The following GPC5 variants were observed in gnomAD, a reference collection of about 807,000 sequenced individuals.
The protein encoded by GPC5 is glypican-5.
GPC5 carries 47 observed loss-of-function variants against 53.9 expected under a neutral mutation model. The observed-to-expected ratio is 0.87, with a 90% CI of 0.69 to 1.11. GPC5 has a LOEUF of 1.11. Ranked by LOEUF, GPC5 falls within the 50% of genes most tolerant of loss-of-function variation. The probability of loss-of-function intolerance (pLI) is 0.00; values close to 1 mark genes in which losing one functional copy is unlikely to be tolerated. For synonymous variants in GPC5, 286 were observed against 263.3 expected, an observed-to-expected ratio of 1.09 and a Z score of -0.84; for missense variants, 748 against 713.1, an observed-to-expected ratio of 1.05 and a Z score of -0.56.
intron 7 of GPC5, among the ~76,000 whole-genome samples, chr13:92,340,979 G>A (rs951555427): frequency 3.3e-5 from 5 of 152,156 alleles, no homozygotes; most frequent in African/African-American, 1.2e-4. Context: ...TCTTTAACAC[G>A]TGGTTTTCAA....
At chr13:91,587,580 C>T (rs928762265) in intron 2 of GPC5, among the ~76,000 whole-genome samples, 5 of 152,126 alleles carry the variant, frequency 3.3e-5, no homozygotes, top group South Asian at 2.1e-4. Flanking sequence ...AGAGGGACTT[C>T]TTCCTTATCT....
At chr13:92,774,114 C>A (rs577221282) in intron 7 of GPC5, among the ~76,000 whole-genome samples, 2 of 152,154 alleles carry the variant, frequency 1.3e-5, no homozygotes, top group African/African-American at 4.8e-5. Flanking sequence ...GATTTGGGTG[C>A]GGACAAAGAG....
chr13:92,767,670 A>G (rs1875456420), intron 7 of GPC5, among the ~76,000 whole-genome samples: 2 of 152,192 alleles, frequency 1.3e-5, no homozygotes, highest in South Asian at 4.1e-4. Context: ...AGTTACACTG[A>G]CATACAGACA....
intron 6 of GPC5, among the ~76,000 whole-genome samples, chr13:92,125,873 T>C (rs896559606): frequency 6.6e-6 from 1 of 151,014 alleles, no homozygotes; most frequent in African/African-American, 2.4e-5. Context: ...AGTTGGACTT[T>C]GGATAGTAAC....
chr13:91,431,034 C>G (rs1002166056), intron 1 of GPC5, among the ~76,000 whole-genome samples: 1 of 152,098 alleles, frequency 6.6e-6, no homozygotes, highest in Non-Finnish European at 1.5e-5. Context: ...GCTACCATGC[C>G]TGACTAATTT....
At chr13:91,458,395 G>A (rs1406662769) in intron 2 of GPC5, among the ~76,000 whole-genome samples, 1 of 152,000 alleles carries the variant, frequency 6.6e-6, no homozygotes, top group African/African-American at 2.4e-5. Context: ...TATTGAATGG[G>A]GAAAACTTGA....
chr13:92,285,409 C>A (rs2042946933), intron 7 of GPC5, among the ~76,000 whole-genome samples: 2 of 152,120 alleles, frequency 1.3e-5, no homozygotes, highest in South Asian at 4.2e-4. Context: ...TCATATGGAA[C>A]CAAAAAAGAG....
At chr13:92,517,048 G>T (rs751544680) in intron 7 of GPC5, among the ~76,000 whole-genome samples, 44 of 152,118 alleles carry the variant, frequency 2.9e-4, no homozygotes, top group Non-Finnish European at 1.5e-4. Context: ...GCCTGTCTCG[G>T]AGGGTCCCAC....
In GPC5 at chr13:91,916,443, A is replaced by G. The variant is rs147575487; in HGVS notation, c.1401+8386A>G. Among the ~76,000 whole-genome samples the G allele has an allele frequency of 1.1e-4, 17 of 152,328 alleles. No individual in the cohort carries two copies. The East Asian group carries it at 3.3e-3, about 29-fold the overall frequency. ...AAAATGAGATATGTCCATATAATGC[A>G]ATATTATTTGCCAATAAAGAAGATC... is the stretch of plus-strand genomic sequence containing the variant. On this transcript the variant is annotated intron_variant, in intron 6 of 7. Transcript: ENST00000377067.
At chr13:92,362,271 G>A (rs1017283375) in intron 7 of GPC5, among the ~76,000 whole-genome samples, 6 of 151,634 alleles carry the variant, frequency 4.0e-5, no homozygotes, top group African/African-American at 7.3e-5. Context: ...TTCAAACTGC[G>A]TCCAAGTCCA....
intron 7 of GPC5, among the ~76,000 whole-genome samples, chr13:92,483,931 T>C (rs1566610668): frequency 6.6e-6 from 1 of 152,130 alleles, no homozygotes; most frequent in Non-Finnish European, 1.5e-5. Context: ...AGGCCAGGAA[T>C]TTGAGACATA....
At chr13:91,654,201 A>C (rs1464136624) in intron 2 of GPC5, among the ~76,000 whole-genome samples, 2 of 152,182 alleles carry the variant, frequency 1.3e-5, no homozygotes, top group African/African-American at 2.4e-5. Context: ...AGTGAGAATT[A>C]ATATAAACTT....
chr13:92,128,380 G>C (rs2041716938), intron 6 of GPC5, among the ~76,000 whole-genome samples: 1 of 152,124 alleles, frequency 6.6e-6, no homozygotes, highest in African/African-American at 2.4e-5. Flanking sequence ...TTACACATTT[G>C]AGTTACCTTA....
intron 2 of GPC5, among the ~76,000 whole-genome samples, chr13:91,636,255 T>G (rs1200065132): frequency 1.3e-5 from 2 of 152,172 alleles, no homozygotes; most frequent in African/African-American, 4.8e-5. Flanking sequence ...ACAGATATGT[T>G]GTTTTATCCT....
chr13:92,315,260 T>TA (rs1358991493), intron 7 of GPC5, among the ~76,000 whole-genome samples: 3 of 152,170 alleles, frequency 2.0e-5, no homozygotes, highest in East Asian at 3.8e-4. Flanking sequence ...TTCCTCAGAC[T>TA]AAAGTAATAG....
intron 7 of GPC5, among the ~76,000 whole-genome samples, chr13:92,470,108 A>T (rs1054070126): frequency 2.6e-5 from 4 of 152,056 alleles, no homozygotes; most frequent in Non-Finnish European, 4.4e-5. Flanking sequence ...GAACTAAATC[A>T]CTCAGCTTGT....
intron 7 of GPC5, among the ~76,000 whole-genome samples, chr13:92,712,029 A>G (rs762156512): frequency 1.3e-5 from 2 of 151,888 alleles, no homozygotes; most frequent in Admixed American, 6.6e-5. Flanking sequence ...TAAACCCCTA[A>G]CAAGCAGAAG....
intron 7 of GPC5, among the ~76,000 whole-genome samples, chr13:92,774,862 T>G (rs1242430987): frequency 1.3e-5 from 2 of 152,156 alleles, no homozygotes; most frequent in African/African-American, 4.8e-5. Context: ...TAGGAAGAAT[T>G]TTTATCCATG....
intron 7 of GPC5, among the ~76,000 whole-genome samples, chr13:92,181,980 G>A (rs995472555): frequency 6.6e-5 from 10 of 152,250 alleles, no homozygotes; most frequent in African/African-American, 2.4e-4. Flanking sequence ...AAGATGTCAG[G>A]GTAAGTTTAT....
Sources: allele counts gnomAD v4.1 joint callset (sites outside exome capture counted in the v4.1 genomes callset), GRCh38; gene constraint gnomAD v4.1.1; transcripts MANE v1.5; gene names NCBI Gene and HGNC (gene_info 2026-07-23, HGNC 2026-07-21).